SNTB1: variants seen among roughly 807,000 people sequenced by gnomAD.
The protein encoded by SNTB1 is beta-1-syntrophin.
A neutral mutation model predicts 48.9 loss-of-function variants in SNTB1; 36 were observed. That is an observed-to-expected ratio of 0.74 (90% CI 0.56 to 0.97). SNTB1 has a LOEUF of 0.97. SNTB1 is among the 50% of genes least tolerant of loss of function. SNTB1 has a pLI of 0.00. For synonymous variants in SNTB1, 299 were observed against 294.6 expected (o/e 1.01, Z -0.15); for missense variants, 786 against 703.4 (o/e 1.12, Z -1.33).
intron 3 of SNTB1, among the ~76,000 whole-genome samples, chr8:120,630,174 G>A (rs968881882): frequency 2.0e-5 from 3 of 152,158 alleles, no homozygotes; most frequent in Non-Finnish European, 4.4e-5. Context: ...ATCCTTCTCT[G>A]TACCCTGGAA....
At chr8:120,687,397 G>A (rs879383253) in intron 2 of SNTB1, among the ~76,000 whole-genome samples, 1 of 152,162 alleles carries the variant, frequency 6.6e-6, no homozygotes, top group Non-Finnish European at 1.5e-5. Context: ...GGATAAATTA[G>A]CCATCAAAGG....
chr8:120,778,254 T>C (rs77959662), intron 1 of SNTB1, among the ~76,000 whole-genome samples: 5,880 of 152,262 alleles, frequency 0.039, 375 homozygotes, highest in African/African-American at 0.13. Flanking sequence ...ACTCACAAAG[T>C]ACAAATAATG....
chr8:120,542,013 G>A lies in SNTB1; in HGVS notation c.1334-13C>T. 2 of 1,608,520 alleles carry A rather than the reference G, an allele frequency of 1.2e-6. No homozygotes were observed. The highest frequency in any genetic ancestry group is 1.7e-6 in the Non-Finnish European group (2 of 1,177,564). On this transcript the variant is annotated splice_polypyrimidine_tract_variant and intron_variant, in intron 5 of 6. Transcript: ENST00000517992. ...TTGTAGGTGCAAGCTGAGAGAGAAA[G>A]AGAGAGAAAAAGAGACAAGTATGAA...
rs187355440 is a variant in SNTB1, at chr8:120,654,271, G to A, written c.789-21620C>T. Among the ~76,000 whole-genome samples, 852 of 151,974 alleles carry A rather than the reference G, an allele frequency of 5.6e-3. 14 individuals are homozygous for A. The highest frequency in any genetic ancestry group is 4.8e-3 in the Non-Finnish European group (324 of 67,976). ...AGACAACTTCCTTGCTGGCTGATGA[G>A]CCCTACATTTCTGGAACTAGGAAAA... On this transcript the variant is annotated intron_variant, in intron 2 of 6. Coordinates refer to ENST00000517992, the MANE Select transcript of SNTB1 (RefSeq NM_021021.4).
chr8:120,653,930 T>A (rs1817450816), intron 2 of SNTB1, among the ~76,000 whole-genome samples: 1 of 150,052 alleles, frequency 6.7e-6, no homozygotes, highest in South Asian at 2.1e-4. Flanking sequence ...TCCCAGCTAC[T>A]CGGGGGGTCT....
chr8:120,616,793 A>C (rs1451210457), intron 3 of SNTB1, among the ~76,000 whole-genome samples: 1 of 152,366 alleles, frequency 6.6e-6, no homozygotes, highest in East Asian at 1.9e-4. Context: ...TTCAAAGAGT[A>C]GTTTTTATTC....
intron 1 of SNTB1, among the ~76,000 whole-genome samples, chr8:120,710,942 G>A (rs1818452424): frequency 6.6e-6 from 1 of 152,146 alleles, no homozygotes; most frequent in Non-Finnish European, 1.5e-5. Context: ...CTCTTCCTGG[G>A]TACTGATATG....
intron 1 of SNTB1, among the ~76,000 whole-genome samples, chr8:120,772,250 CTTT>C (rs1288097097): frequency 7.1e-6 from 1 of 141,482 alleles, no homozygotes. Flanking sequence ...ATTTTTTCTT[CTTT>C]TTTTTTTTTT....
intron 3 of SNTB1, among the ~76,000 whole-genome samples, chr8:120,619,095 G>T (rs1376143172): frequency 2.0e-5 from 3 of 151,814 alleles, no homozygotes; most frequent in Non-Finnish European, 4.4e-5. Context: ...TTCAATTTCT[G>T]GTATCTTGCA....
chr8:120,553,869 G>A (rs1486176700), intron 4 of SNTB1, among the ~76,000 whole-genome samples: 1 of 152,034 alleles, frequency 6.6e-6, no homozygotes, highest in East Asian at 1.9e-4. Context: ...GTGGTGGCAC[G>A]TGCCTGTAGT....
chr8:120,653,975 G>A (rs112762401), intron 2 of SNTB1, among the ~76,000 whole-genome samples: 3 of 134,840 alleles, frequency 2.2e-5, no homozygotes, highest in Admixed American at 8.7e-5. Flanking sequence ...GGAAAGCGGA[G>A]CTTGCAGTGA....
At chr8:120,696,318 A>C (rs1198963933) in intron 1 of SNTB1, among the ~76,000 whole-genome samples, 1 of 152,220 alleles carries the variant, frequency 6.6e-6, no homozygotes, top group Admixed American at 6.5e-5. Flanking sequence ...GGACTTTAAA[A>C]AGTAGAGATA....
At chr8:120,743,496 A>C (rs887103847) in intron 1 of SNTB1, among the ~76,000 whole-genome samples, 2 of 152,238 alleles carry the variant, frequency 1.3e-5, no homozygotes, top group African/African-American at 4.8e-5. Flanking sequence ...GGGGTCATGC[A>C]AAGACCTGTG....
chr8:120,711,553 G>A (rs145040328), intron 1 of SNTB1, among the ~76,000 whole-genome samples: 6 of 152,280 alleles, frequency 3.9e-5, no homozygotes, highest in East Asian at 3.9e-4. Flanking sequence ...TGTGCAGGCC[G>A]TCAGGTGTTT....
At chr8:120,599,726 T>C (rs758760842) in intron 3 of SNTB1, among the ~76,000 whole-genome samples, 7 of 152,356 alleles carry the variant, frequency 4.6e-5, no homozygotes, top group East Asian at 1.9e-4. Context: ...TTGTAAAGAA[T>C]AGAAGATTGG....
At chr8:120,733,556 C>G (rs1244606304) in intron 1 of SNTB1, among the ~76,000 whole-genome samples, 1 of 152,238 alleles carries the variant, frequency 6.6e-6, no homozygotes, top group Non-Finnish European at 1.5e-5. Context: ...TTCCAAACTA[C>G]TTGGTCCCTT....
chr8:120,811,802 G>GCCAGCCGGC lies in SNTB1; in HGVS notation c.33_41dup (p.Pro12_Gly14dup), dbSNP rs1820441988. 2 of 1,402,070 alleles carry GCCAGCCGGC rather than the reference G, an allele frequency of 1.4e-6. No individual in the cohort carries two copies. The highest frequency in any genetic ancestry group is 1.9e-6 in the Non-Finnish European group (2 of 1,080,112). The allele number at this position is 1,402,070 out of a possible 1,614,324, so 86.9% of individuals were successfully genotyped here. ...TCCGCTGCGCCCGGCCGCCTCCCGC[G>GCCAGCCGGC]CCAGCCGGCCCAGCCGCCGCCGCCG... is the stretch of plus-strand genomic sequence containing the variant. On this transcript the variant is annotated inframe_insertion, in exon 1 of 7. Transcript: ENST00000517992.
chr8:120,543,538 T>C, intron 5 of SNTB1, among the ~76,000 whole-genome samples: 1 of 152,150 alleles, frequency 6.6e-6, no homozygotes, highest in East Asian at 1.9e-4. Flanking sequence ...TGTTTGGCTT[T>C]CAAAATTCAA....
chr8:120,756,414 C>A (rs980235317), intron 1 of SNTB1, among the ~76,000 whole-genome samples: 3 of 152,016 alleles, frequency 2.0e-5, no homozygotes, highest in African/African-American at 7.3e-5. Context: ...TGATGCAGGA[C>A]ACTCACTGGG....
Sources: gnomAD v4.1 joint callset for allele counts (sites outside exome capture counted in the v4.1 genomes callset) on GRCh38, gnomAD v4.1.1 for gene constraint, MANE v1.5 for transcripts, NCBI Gene and HGNC (gene_info 2026-07-23, HGNC 2026-07-21) for gene names.